Variants in SDK1 observed in about 807,000 individuals in gnomAD.
SDK1 encodes sidekick cell adhesion molecule 1.
Under a neutral mutation model 245.5 loss-of-function variants are expected in SDK1, and 157 were observed. The observed-to-expected ratio is 0.64, with a 90% CI of 0.56 to 0.73. SDK1 has a LOEUF of 0.73. Ranked by LOEUF, SDK1 falls within the 30% of genes least tolerant of loss-of-function variation. The pLI, the probability that SDK1 is intolerant of heterozygous loss-of-function variation, is 0.00. For synonymous variants in SDK1, 1,647 were observed against 1,278.5 expected (o/e 1.29, Z -6.15); for missense variants, 3,583 against 3,002.3 (o/e 1.19, Z -4.52).
chr7:3,568,118 A>G (rs536439971), intron 1 of SDK1, among the ~76,000 whole-genome samples: 4 of 152,220 alleles, frequency 2.6e-5, no homozygotes, highest in East Asian at 3.9e-4. Context: ...ACTGTGTCCA[A>G]CCTCCGTGGT....
intron 1 of SDK1, among the ~76,000 whole-genome samples, chr7:3,464,107 G>A (rs532813333): frequency 3.3e-5 from 5 of 152,074 alleles, no homozygotes; most frequent in South Asian, 2.1e-4. Context: ...CTAAAAATAC[G>A]CAGTTATTTC....
intron 5 of SDK1, among the ~76,000 whole-genome samples, chr7:3,886,128 A>C (rs1346024611): frequency 6.6e-6 from 1 of 152,232 alleles, no homozygotes; most frequent in Non-Finnish European, 1.5e-5. Flanking sequence ...GAGGTGGTGC[A>C]AAACACGGAC....
Position 4,194,640 on chromosome 7 carries a change from G to A in SDK1, c.5099-11239G>A, listed in dbSNP as rs1783477100. ...TCAAAGGCAGGAAGCTTCCAGTATG[G>A]GAGAAGGATGTAGGCTGGGAGGCTA... On this transcript the variant is annotated intron_variant, in intron 35 of 44. Coordinates refer to ENST00000404826, the MANE Select transcript of SDK1 (RefSeq NM_152744.4). Among the ~76,000 whole-genome samples, 3 of 152,074 alleles carry A rather than the reference G, an allele frequency of 2.0e-5. 1 individual carries two copies. In the South Asian group the frequency reaches 6.2e-4, roughly 32 times the overall value.
At chr7:3,467,846 A>G (rs896494061) in intron 1 of SDK1, among the ~76,000 whole-genome samples, 1 of 152,146 alleles carries the variant, frequency 6.6e-6, no homozygotes, top group Non-Finnish European at 1.5e-5. Flanking sequence ...AGACTTTATT[A>G]GCTTGTTTGC....
Position 3,969,393 on chromosome 7 carries a change from C to T in SDK1, c.1683C>T (p.Ser561=). The change falls in exon 11 of 45, where the codon TCC becomes TCT. Residue 561 remains serine, a synonymous_variant. Coordinates refer to ENST00000404826, the MANE Select transcript of SDK1 (RefSeq NM_152744.4). ...YTCYAANTEG[S]LNASATLTVW... ...GCTATGCGGCCAACACAGAGGGCTC[C>T]CTGAATGCATCGGCCACGCTCACTG... The T allele has an allele frequency of 6.2e-7, 1 of 1,605,686 alleles. No individual in the cohort carries two copies. The highest frequency in any genetic ancestry group is 8.5e-7 in the Non-Finnish European group (1 of 1,176,064).
At chr7:4,050,192 T>A (rs1789346044) in intron 18 of SDK1, among the ~76,000 whole-genome samples, 1 of 152,210 alleles carries the variant, frequency 6.6e-6, no homozygotes, top group Non-Finnish European at 1.5e-5. Flanking sequence ...TCTAGTTTCC[T>A]CAATACCTGG....
At chr7:3,756,524 A>C (rs1779938406) in intron 4 of SDK1, among the ~76,000 whole-genome samples, 1 of 150,974 alleles carries the variant, frequency 6.6e-6, no homozygotes, top group Non-Finnish European at 1.5e-5. Flanking sequence ...GTGTCATTGC[A>C]TGTGTGTCAA....
chr7:3,942,683 C>T (rs192248808), intron 5 of SDK1, among the ~76,000 whole-genome samples: 3 of 152,138 alleles, frequency 2.0e-5, no homozygotes, highest in Non-Finnish European at 4.4e-5. Flanking sequence ...CTGTAGACCC[C>T]CTTACCTGCT....
intron 20 of SDK1, among the ~76,000 whole-genome samples, chr7:4,074,147 A>T (rs1366491553): frequency 2.0e-5 from 3 of 152,152 alleles, no homozygotes; most frequent in Admixed American, 2.0e-4. Flanking sequence ...GGGCAGGCTG[A>T]TAAGAACAGA....
intron 4 of SDK1, among the ~76,000 whole-genome samples, chr7:3,704,101 T>G (rs951441624): frequency 7.9e-5 from 12 of 152,176 alleles, no homozygotes; most frequent in African/African-American, 2.9e-4. Context: ...CCTTTGCGTA[T>G]CCACAGCTTT....
intron 1 of SDK1, among the ~76,000 whole-genome samples, chr7:3,459,011 C>G (rs1311015212): frequency 1.3e-5 from 2 of 152,246 alleles, no homozygotes; most frequent in South Asian, 2.1e-4. Context: ...AATCAATTGT[C>G]AAATGACATA....
At chr7:4,122,462 C>T (rs990168721) in intron 25 of SDK1, among the ~76,000 whole-genome samples, 1 of 152,142 alleles carries the variant, frequency 6.6e-6, no homozygotes, top group East Asian at 1.9e-4. Context: ...AATAGCAGCT[C>T]CTGGGAGCTT....
chr7:3,567,520 C>G (rs763524668), intron 1 of SDK1, among the ~76,000 whole-genome samples: 1 of 152,204 alleles, frequency 6.6e-6, no homozygotes, highest in African/African-American at 2.4e-5. Context: ...TGCTAGAAAA[C>G]TACCACAGTA....
At chr7:3,808,661 C>T (rs1056706590) in intron 4 of SDK1, among the ~76,000 whole-genome samples, 1 of 152,086 alleles carries the variant, frequency 6.6e-6, no homozygotes, top group African/African-American at 2.4e-5. Context: ...AATCAGTTTC[C>T]ACCTGATGGC....
intron 20 of SDK1, among the ~76,000 whole-genome samples, chr7:4,074,910 ATATATATTTTTTT>A (rs1326444764): frequency 1.3e-5 from 1 of 77,226 alleles, no homozygotes; most frequent in African/African-American, 9.1e-5. Context: ...ATATATATAT[ATATATATTTTTTT>A]TTTTTTTTAA....
chr7:4,071,855 T>C (rs2128174835), intron 20 of SDK1, among the ~76,000 whole-genome samples: 2 of 152,312 alleles, frequency 1.3e-5, no homozygotes, highest in Admixed American at 1.3e-4. Flanking sequence ...CAGTCGGCCA[T>C]GTTTTGGAAA....
At chr7:3,704,810 T>G (rs562882642) in intron 4 of SDK1, among the ~76,000 whole-genome samples, 1 of 152,228 alleles carries the variant, frequency 6.6e-6, no homozygotes, top group South Asian at 2.1e-4. Context: ...TAATAGAGTT[T>G]TATGGTTTCA....
chr7:3,693,901 A>G (rs1391046614), intron 4 of SDK1, among the ~76,000 whole-genome samples: 1 of 151,888 alleles, frequency 6.6e-6, no homozygotes, highest in Non-Finnish European at 1.5e-5. Context: ...CTCTGCCTTG[A>G]CCCTGACCTC....
chr7:3,498,464 G>A lies in SDK1; in HGVS notation c.299-120616G>A, dbSNP rs181944622. 2.4e-3 allele frequency among the ~76,000 whole-genome samples: 369 copies of A among 152,190 alleles called. 3 individuals are homozygous for A. The highest frequency in any genetic ancestry group is 0.018 in the South Asian group (86 of 4,818). Reference sequence around the variant, plus strand: ...ATAGTAGCTTTCTCATTGCATTTTTGGGAGTATTAAATGATACATGTTAAG... The same window carrying A: ...ATAGTAGCTTTCTCATTGCATTTTTAGGAGTATTAAATGATACATGTTAAG... On this transcript the variant is annotated intron_variant, in intron 1 of 44. Transcript: ENST00000404826.
Sources: allele counts gnomAD v4.1 joint callset (sites outside exome capture counted in the v4.1 genomes callset), GRCh38; gene constraint gnomAD v4.1.1; transcripts MANE v1.5; gene names NCBI Gene and HGNC (gene_info 2026-07-23, HGNC 2026-07-21).